The following ZNF397 variants were observed in gnomAD, a reference collection of about 807,000 sequenced individuals.
ZNF397 encodes the protein zinc finger and SCAN domain-containing protein 15.
Under a neutral mutation model 50.6 loss-of-function variants are expected in ZNF397, and 38 were observed. The ratio of observed to expected loss-of-function variants is 0.75; its 90% confidence interval spans 0.58 to 0.98. The LOEUF is 0.98. ZNF397 is among the 50% of genes least tolerant of loss of function. The pLI is 0.00. For missense variants in ZNF397, 624 were observed against 624.1 expected (o/e 1.00, Z 0.00); for synonymous variants, 228 against 215.2 (o/e 1.06, Z -0.52).
At chr18:35,244,588 G>A (rs538138326) in intron 3 of ZNF397, among the ~76,000 whole-genome samples, 35 of 152,184 alleles carry the variant, frequency 2.3e-4, no homozygotes, top group African/African-American at 8.4e-4. Flanking sequence ...AATCTAAGAA[G>A]GAACAGCCAC....
chr18:35,241,763 CT>C (rs60007571), intron 1 of ZNF397: 46,307 of 152,050 alleles, frequency 0.3, 7,817 homozygotes, highest in Non-Finnish European at 0.37. Context: ...AAGCAAAAAT[CT>C]TAATGCTCAG....
chr18:35,243,667 A>G (rs2143585375), intron 3 of ZNF397: 1 of 465,540 alleles, frequency 2.1e-6, no homozygotes, highest in Non-Finnish European at 3.9e-6. Flanking sequence ...GAGCACATCT[A>G]AAGGCACCTA....
At chr18:35,253,254 G>C, downstream of ZNF397, 1 of 465,106 alleles carries the variant, frequency 2.2e-6, no homozygotes, top group East Asian at 3.2e-5. Context: ...TTTTGGAGAA[G>C]ACTTGGGTAA....
In ZNF397 at chr18:35,242,743, A is replaced by C. The variant is rs776402042; in HGVS notation, c.273A>C (p.Glu91Asp). 3 of 1,614,186 alleles carry C rather than the reference A, an allele frequency of 1.9e-6. No individual in the cohort carries two copies. Among genetic ancestry groups the C allele is most frequent in the South Asian group, 2.2e-5 (2 of 91,088 alleles). Residue 91 changes from glutamate to aspartate, a missense_variant, in exon 2 of 4, where the codon GAA becomes GAC. Physicochemically the swap from Glu to Asp is conservative, Grantham distance 45. Coordinates refer to ENST00000330501, the MANE Select transcript of ZNF397 (RefSeq NM_001135178.3). ...TGCACACAAAGGAGCAGATCTTAGAACTGCTGGTACTGGAGCAGTTCCTGA... is the reference window on the plus strand; with the variant it reads ...TGCACACAAAGGAGCAGATCTTAGACCTGCTGGTACTGGAGCAGTTCCTGA... ...PELHTKEQIL[E>D]LLVLEQFLSI...
In ZNF397 at chr18:35,243,300, A is replaced by C. The variant is rs1416476808; in HGVS notation, c.556+7A>C. 3.7e-6 allele frequency: 6 copies of C among 1,614,248 alleles called. No individual in the cohort carries two copies. Among genetic ancestry groups the C allele is most frequent in the Non-Finnish European group, 5.1e-6 (6 of 1,180,054 alleles). On this transcript the variant is annotated splice_region_variant and intron_variant, in intron 3 of 3. Transcript: ENST00000330501. ...TGCCTTTCCCCTAAAAGTGGTGAGG[A>C]ATGGGAAATCATCTGGAAACTCTTG...
chr18:35,252,879 C>G (rs1375664307), downstream of ZNF397: 1 of 153,138 alleles, frequency 6.5e-6, no homozygotes, highest in Admixed American at 6.5e-5. Flanking sequence ...GCAGGAAGCT[C>G]AGGATTGAGG....
Position 35,246,008 on chromosome 18 carries a change from A to G in ZNF397, c.1303A>G (p.Arg435Gly), listed in dbSNP as rs780029538. 1.9e-6 allele frequency: 3 copies of G among 1,575,126 alleles called. No homozygotes were observed. Among genetic ancestry groups the G allele is most frequent in the South Asian group, 2.3e-5 (2 of 85,942 alleles). The part of the protein sequence containing the change: ...YECNECGKAF[R>G]QSSELITHQR... ...ATGTAATGAATGTGGAAAAGCTTTC[A>G]GGCAGAGCTCAGAGCTGATTACTCA... is the stretch of plus-strand genomic sequence containing the variant. The change falls in exon 4 of 4, where the codon AGG becomes GGG. Residue 435 changes from arginine (R) to glycine (G), a missense_variant. Physicochemically the swap from Arg to Gly is moderately radical, Grantham distance 125. Coordinates refer to ENST00000330501, the MANE Select transcript of ZNF397 (RefSeq NM_001135178.3).
chr18:35,243,424 G>A lies in ZNF397; in HGVS notation c.556+131G>A, dbSNP rs771359962. On this transcript the variant is annotated intron_variant, in intron 3 of 3. Transcript: ENST00000330501. ...TTATTATTCTAAACCAGAGGTGCTC[G>A]CTTTAGCGGCTTTGTATTCACCCCT... The A allele has an allele frequency of 5.0e-4, 651 of 1,311,606 alleles. 1 individual carries two copies. Among genetic ancestry groups the A allele is most frequent in the Non-Finnish European group, 6.7e-4 (621 of 924,486 alleles). The allele number at this position is 1,311,606 out of a possible 1,614,324, so 81.2% of individuals were successfully genotyped here. A position where few individuals can be genotyped will look rare whatever the true frequency, so the allele number is the denominator to read the frequency against.
At chr18:35,252,480 TTTG>T (rs2043633733), downstream of ZNF397, 1 of 152,146 alleles carries the variant, frequency 6.6e-6, no homozygotes, top group African/African-American at 2.4e-5. Context: ...GCAATAAATA[TTTG>T]TTGAATTACT....
In ZNF397 at chr18:35,246,278, A is replaced by G; in HGVS notation, c.1573A>G (p.Met525Val). 1.9e-6 allele frequency: 3 copies of G among 1,550,746 alleles called. No individual in the cohort carries two copies. The highest frequency in any genetic ancestry group is 2.6e-6 in the Non-Finnish European group (3 of 1,146,606). ...GGCTTTCAGGCACAGATCGGTCCTT[A>G]TGCGCCATCAAAGAGTCCACACTAT... Reference protein sequence around the residue: ...GKAFRHRSVLMRHQRVHTIK With the variant: ...GKAFRHRSVLVRHQRVHTIK Residue 525 changes from methionine (M) to valine (V), a missense_variant, in exon 4 of 4, where the codon ATG (methionine) becomes GTG (valine). Coordinates refer to ENST00000330501, the MANE Select transcript of ZNF397 (RefSeq NM_001135178.3).
chr18:35,243,529 C>G (rs1355107131), intron 3 of ZNF397: 12 of 645,036 alleles, frequency 1.9e-5, no homozygotes, highest in African/African-American at 3.6e-5. Context: ...CTTTATAAAG[C>G]GTCAATACAT....
rs374099519 is a variant in ZNF397 at position 35,242,777 on chromosome 18, C to A, written c.307C>A (p.Pro103Thr). 3 of 1,613,994 alleles carry A rather than the reference C, an allele frequency of 1.9e-6. No homozygotes were observed. The highest frequency in any genetic ancestry group is 2.5e-6 in the Non-Finnish European group (3 of 1,180,040). Reference protein sequence around the residue: ...LVLEQFLSILPEELQIWVQQH... With the variant: ...LVLEQFLSILTEELQIWVQQH... ...ACTGGAGCAGTTCCTGAGCATTCTGCCTGAGGAGCTGCAGATCTGGGTTCA... is the reference window on the plus strand; with the variant it reads ...ACTGGAGCAGTTCCTGAGCATTCTGACTGAGGAGCTGCAGATCTGGGTTCA... The change falls in exon 2 of 4, where the codon CCT becomes ACT. Residue 103 changes from proline to threonine, a missense_variant. Pro to Thr is a conservative substitution (Grantham distance 38). Transcript: ENST00000330501.
intron 1 of ZNF397, 33 bp from the exon 2 acceptor site, chr18:35,242,358 T>C: frequency 9.8e-7 from 1 of 1,019,422 alleles, no homozygotes; most frequent in East Asian, 2.4e-5. Flanking sequence ...ATTTTATTGA[T>C]TGCTGTAAGT....
intron 3 of ZNF397, among the ~76,000 whole-genome samples, chr18:35,245,019 G>GA (rs1233873633): frequency 6.6e-6 from 1 of 151,976 alleles, no homozygotes; most frequent in African/African-American, 2.4e-5. Context: ...GTAAATAGTA[G>GA]AAAAAAATTG....
rs892162226 is a variant in ZNF397 at position 35,247,656 on chromosome 18, A to G, written c.*1346A>G. ...TCTTATGTCACCAGTATTTCACAAT[A>G]TCTTTTGCAATTTTTTTTTTTTTTT... On this transcript the variant is annotated 3_prime_UTR_variant, in exon 4 of 4. Transcript: ENST00000330501. 2.5e-4 allele frequency: 28 copies of G among 110,808 alleles called. No individual in the cohort carries two copies. The highest frequency in any genetic ancestry group is 8.6e-4 in the African/African-American group (26 of 30,164). 6.9% of individuals were successfully genotyped at this position (110,808 alleles called of 1,614,324 possible). A position where few individuals can be genotyped will look rare whatever the true frequency, so the allele number is the denominator to read the frequency against.
At position 35,248,866 on chromosome 18, in the gene ZNF397, T is replaced by TTTA. The variant is rs2143617454; in HGVS notation, c.*2556_*2557insTTA. 6.6e-6 allele frequency: 1 copy of TTTA among 152,110 alleles called. No homozygotes were observed. The highest frequency in any genetic ancestry group is 1.9e-4 in the East Asian group (1 of 5,174). 9.4% of individuals were successfully genotyped at this position (152,110 alleles called of 1,614,324 possible). A position where few individuals can be genotyped will look rare whatever the true frequency, so the allele number is the denominator to read the frequency against. On this transcript the variant is annotated 3_prime_UTR_variant, in exon 4 of 4. Transcript: ENST00000330501. ...ACCAAAAAAAAAGGAAAAAAGTAAA[T>TTTA]GTAATAGATACTTGCTAAGGGCTTT...
intron 1 of ZNF397, among the ~76,000 whole-genome samples, 181 bp from the exon 2 acceptor site, chr18:35,242,210 A>G (rs1462911178): frequency 1.3e-5 from 2 of 152,240 alleles, no homozygotes; most frequent in African/African-American, 4.8e-5. Context: ...GGAATTCTTC[A>G]TAATGGGAGA....
chr18:35,246,416 G>T lies in ZNF397; in HGVS notation c.*106G>T. 6.9e-7 allele frequency: 1 copy of T among 1,454,942 alleles called. No individual in the cohort carries two copies. Among genetic ancestry groups the T allele is most frequent in the Non-Finnish European group, 9.0e-7 (1 of 1,105,738 alleles). The allele number at this position is 1,454,942 out of a possible 1,614,324, so 90.1% of individuals were successfully genotyped here. A position where few individuals can be genotyped will look rare whatever the true frequency, so the allele number is the denominator to read the frequency against. ...ACTCCATAAAGGTTATAAAATACTA[G>T]GTCTTGAGTCTAGCTTGCTTTGTGC... On this transcript the variant is annotated 3_prime_UTR_variant, in exon 4 of 4. Transcript: ENST00000330501.
In ZNF397 at chr18:35,242,866, T is replaced by C. The variant is rs1912620819; in HGVS notation, c.396T>C (p.Phe132=). The C allele has an allele frequency of 3.7e-6, 6 of 1,610,726 alleles. No homozygotes were observed. Among genetic ancestry groups the C allele is most frequent in the Non-Finnish European group, 5.1e-6 (6 of 1,178,060 alleles). ...TGTTGGAGGATTTAGAGAGGGAGTTTGATGACCCAGGGCAGCAGGTGGGAA... is the reference window on the plus strand; with the variant it reads ...TGTTGGAGGATTTAGAGAGGGAGTTCGATGACCCAGGGCAGCAGGTGGGAA... ...VTLLEDLERE[F]DDPGQQVPAS... Residue 132 remains phenylalanine, a synonymous_variant, in exon 2 of 4, where the codon TTT becomes TTC. Transcript: ENST00000330501.
Sources: gnomAD v4.1 joint callset for allele counts (sites outside exome capture counted in the v4.1 genomes callset) on GRCh38, gnomAD v4.1.1 for gene constraint, MANE v1.5 for transcripts, NCBI Gene and HGNC (gene_info 2026-07-23, HGNC 2026-07-21) for gene names.